ZNF804B: variants seen among roughly 807,000 people sequenced by gnomAD.
The protein encoded by ZNF804B is zinc finger protein 804B, also known as zinc finger 804B.
In ZNF804B, 80 loss-of-function variants were observed where a neutral mutation model predicts 101.4. The ratio of observed to expected loss-of-function variants is 0.79; its 90% confidence interval spans 0.66 to 0.95. ZNF804B has a LOEUF of 0.95. Among genes scored for constraint, ZNF804B ranks in the 40% least tolerant of loss-of-function variants. The pLI is 0.00. For missense variants in ZNF804B, 1,673 were observed against 1,561.9 expected, an observed-to-expected ratio of 1.07 and a Z score of -1.20; for synonymous variants, 622 against 558.8, an observed-to-expected ratio of 1.11 and a Z score of -1.59.
At chr7:88,782,103 G>A (rs1396886853) in intron 1 of ZNF804B, among the ~76,000 whole-genome samples, 4 of 50,074 alleles carry the variant, frequency 8.0e-5, no homozygotes, top group Admixed American at 4.6e-4. Flanking sequence ...GTGTGAGTGC[G>A]TGTGTGTGTG....
At chr7:89,319,231 G>A (rs1160949144) in intron 2 of ZNF804B, among the ~76,000 whole-genome samples, 1 of 151,952 alleles carries the variant, frequency 6.6e-6, no homozygotes, top group Non-Finnish European at 1.5e-5. Context: ...GGCCAGATTT[G>A]GGGGGGCTTG....
chr7:88,966,897 A>G (rs369520496), intron 1 of ZNF804B, among the ~76,000 whole-genome samples: 1 of 151,270 alleles, frequency 6.6e-6, no homozygotes, highest in African/African-American at 2.4e-5. Context: ...CCATAGGTGT[A>G]CTGATTCCAT....
chr7:89,223,606 A>ATTATTTATTTATTTATTTATTTAT lies in ZNF804B; in HGVS notation c.249+5318_249+5341dup, dbSNP rs35199718. On this transcript the variant is annotated intron_variant, in intron 2 of 3. Coordinates refer to ENST00000333190, the MANE Select transcript of ZNF804B (RefSeq NM_181646.5). ...TTCTATAATTTGAATAAAAATTAAG[A>ATTATTTATTTATTTATTTATTTAT]TTATTTATTTATTTATTTATTTATT... is the stretch of plus-strand genomic sequence containing the variant. 6.5e-4 allele frequency among the ~76,000 whole-genome samples: 95 copies of ATTATTTATTTATTTATTTATTTAT among 146,832 alleles called. 1 individual carries two copies. The highest frequency in any genetic ancestry group is 2.2e-3 in the African/African-American group (88 of 40,188).
At chr7:89,040,256 C>A (rs1292364020) in intron 1 of ZNF804B, among the ~76,000 whole-genome samples, 1 of 151,162 alleles carries the variant, frequency 6.6e-6, no homozygotes, top group Non-Finnish European at 1.5e-5. Context: ...TCTTTTTTAT[C>A]CTTTACTCTT....
At chr7:88,773,904 T>G (rs1790106211) in intron 1 of ZNF804B, among the ~76,000 whole-genome samples, 1 of 152,118 alleles carries the variant, frequency 6.6e-6, no homozygotes, top group African/African-American at 2.4e-5. Flanking sequence ...CCCAGTGATC[T>G]GAACACCTCT....
chr7:89,015,414 C>T (rs1048718881), intron 1 of ZNF804B, among the ~76,000 whole-genome samples: 2 of 151,616 alleles, frequency 1.3e-5, no homozygotes, highest in Non-Finnish European at 2.9e-5. Context: ...TATACATGTG[C>T]TATGCTGGTG....
intron 1 of ZNF804B, among the ~76,000 whole-genome samples, chr7:88,988,398 C>T (rs1793795640): frequency 6.6e-6 from 1 of 152,054 alleles, no homozygotes; most frequent in Non-Finnish European, 1.5e-5. Flanking sequence ...AGATGTGCTG[C>T]TCTATTTTGC....
At chr7:89,112,207 T>C (rs531529118) in intron 1 of ZNF804B, among the ~76,000 whole-genome samples, 1 of 152,014 alleles carries the variant, frequency 6.6e-6, no homozygotes, top group Non-Finnish European at 1.5e-5. Flanking sequence ...GAAGATCACA[T>C]AGATTTTCTC....
At chr7:89,026,851 G>A (rs772237796) in intron 1 of ZNF804B, among the ~76,000 whole-genome samples, 4 of 152,216 alleles carry the variant, frequency 2.6e-5, no homozygotes, top group Non-Finnish European at 5.9e-5. Context: ...AGCTTTTGGT[G>A]AAGAGATGAA....
rs1179830128 is a variant in ZNF804B at position 89,220,084 on chromosome 7, T to TATATACGCACATATATGTGTGTATATAC, written c.249+1794_249+1795insCGCACATATATGTGTGTATATACATATA. 2.1e-3 allele frequency among the ~76,000 whole-genome samples: 60 copies of TATATACGCACATATATGTGTGTATATAC among 28,096 alleles called. 11 individuals carry two copies. The highest frequency in any genetic ancestry group is 6.5e-3 in the African/African-American group (48 of 7,354). 18.4% of individuals were successfully genotyped at this position (28,096 alleles called of 152,430 possible). On this transcript the variant is annotated intron_variant, in intron 2 of 3. Transcript: ENST00000333190. Reference sequence around the variant, plus strand: ...ATACGCACATATATGTGTATATACATATATATACGCACATATATATGTGTG... The same window carrying TATATACGCACATATATGTGTGTATATAC: ...ATACGCACATATATGTGTATATACATATATACGCACATATATGTGTGTATATACATATATACGCACATATATATGTGTG...
intron 1 of ZNF804B, among the ~76,000 whole-genome samples, chr7:88,937,788 A>G (rs1792995642): frequency 6.6e-6 from 1 of 152,104 alleles, no homozygotes; most frequent in South Asian, 2.1e-4. Flanking sequence ...AGTCCCAAAT[A>G]GGATAGTCCA....
At chr7:89,086,377 C>A (rs926360010) in intron 1 of ZNF804B, among the ~76,000 whole-genome samples, 5 of 151,894 alleles carry the variant, frequency 3.3e-5, no homozygotes, top group Admixed American at 2.0e-4. Context: ...ATGAAAATGA[C>A]AATTTACATA....
chr7:89,211,334 GTTGT>G (rs956597803), intron 1 of ZNF804B, among the ~76,000 whole-genome samples: 20 of 151,824 alleles, frequency 1.3e-4, no homozygotes, highest in Admixed American at 7.2e-4. Flanking sequence ...TGTTGTTGTT[GTTGT>G]TTGTTTGTTT....
chr7:88,819,420 C>G (rs552265527), intron 1 of ZNF804B, among the ~76,000 whole-genome samples: 1 of 152,058 alleles, frequency 6.6e-6, no homozygotes, highest in Non-Finnish European at 1.5e-5. Context: ...TGTGAGCCAC[C>G]GTGCCTGGCC....
intron 1 of ZNF804B, among the ~76,000 whole-genome samples, chr7:88,996,726 T>G (rs540736435): frequency 1.3e-5 from 2 of 152,216 alleles, no homozygotes; most frequent in African/African-American, 4.8e-5. Flanking sequence ...ATTAAAGCAT[T>G]TATAAAACAA....
At chr7:89,158,751 C>T (rs554011926) in intron 1 of ZNF804B, among the ~76,000 whole-genome samples, 5 of 152,088 alleles carry the variant, frequency 3.3e-5, no homozygotes, top group Non-Finnish European at 7.4e-5. Flanking sequence ...TTTTCATCCT[C>T]CAGGTCTTTG....
intron 1 of ZNF804B, among the ~76,000 whole-genome samples, chr7:88,946,016 G>A (rs999235264): frequency 1.5e-4 from 23 of 151,966 alleles, no homozygotes; most frequent in African/African-American, 5.6e-4. Context: ...TTCTAAATAT[G>A]CAATCATGAC....
chr7:89,201,008 G>T (rs2115649390), intron 1 of ZNF804B, among the ~76,000 whole-genome samples: 1 of 152,058 alleles, frequency 6.6e-6, no homozygotes, highest in Admixed American at 6.6e-5. Context: ...TAATGAAGAG[G>T]CAGATTCTTA....
intron 1 of ZNF804B, among the ~76,000 whole-genome samples, chr7:89,201,512 G>GACTTCC (rs1788637309): frequency 1.3e-5 from 2 of 151,912 alleles, no homozygotes; most frequent in African/African-American, 4.8e-5. Context: ...CAAAAGCCGA[G>GACTTCC]ACTTCCAAGA....
Sources: allele counts gnomAD v4.1 joint callset (sites outside exome capture counted in the v4.1 genomes callset), GRCh38; gene constraint gnomAD v4.1.1; transcripts MANE v1.5; gene names NCBI Gene and HGNC (gene_info 2026-07-23, HGNC 2026-07-21).